The following PAK5 variants were observed in gnomAD, a reference collection of about 807,000 sequenced individuals.
PAK5 encodes serine/threonine-protein kinase PAK 5.
PAK5 carries 16 observed loss-of-function variants against 65.9 expected under a neutral mutation model. The observed-to-expected ratio is 0.24, with a 90% CI of 0.16 to 0.37. PAK5 has a LOEUF of 0.37. PAK5 is among the 10% of genes least tolerant of loss of function. The pLI, the probability that PAK5 is intolerant of heterozygous loss-of-function variation, is 1.00. For synonymous variants in PAK5, 371 were observed against 354.9 expected (o/e 1.05, Z -0.51); for missense variants, 785 against 903.9 (o/e 0.87, Z 1.69).
At chr20:9,626,922 A>G (rs1198820843) in intron 3 of PAK5, among the ~76,000 whole-genome samples, 1 of 151,984 alleles carries the variant, frequency 6.6e-6, no homozygotes, top group Non-Finnish European at 1.5e-5. Context: ...GTGTACGCAC[A>G]TGTGTCTGTG....
intron 1 of PAK5, among the ~76,000 whole-genome samples, chr20:9,801,510 G>A (rs1286499495): frequency 1.3e-5 from 2 of 150,132 alleles, no homozygotes; most frequent in African/African-American, 4.9e-5. Flanking sequence ...TTATATTATA[G>A]ATATACACAC....
intron 2 of PAK5, among the ~76,000 whole-genome samples, chr20:9,649,962 G>A (rs1340994597): frequency 6.6e-6 from 1 of 152,174 alleles, no homozygotes; most frequent in Middle Eastern, 3.2e-3. Context: ...AAACTGAAAT[G>A]GAATTCAAAA....
intron 7 of PAK5, among the ~76,000 whole-genome samples, chr20:9,550,387 C>T (rs2045408484): frequency 6.6e-6 from 1 of 152,094 alleles, no homozygotes; most frequent in Admixed American, 6.5e-5. Flanking sequence ...CCAATGAAAG[C>T]AAGGCAGGGA....
intron 1 of PAK5, among the ~76,000 whole-genome samples, chr20:9,805,733 G>C (rs1761608994): frequency 6.6e-6 from 1 of 152,158 alleles, no homozygotes; most frequent in Non-Finnish European, 1.5e-5. Context: ...GGGCCTGGGG[G>C]AGGAGAGAGT....
chr20:9,806,362 G>C (rs986955488), intron 1 of PAK5, among the ~76,000 whole-genome samples: 2 of 152,048 alleles, frequency 1.3e-5, no homozygotes, highest in African/African-American at 4.8e-5. Flanking sequence ...CCTCAGCTTT[G>C]CTCCAGTTCC....
At chr20:9,568,465 G>A (rs1186220566) in intron 4 of PAK5, among the ~76,000 whole-genome samples, 1 of 152,134 alleles carries the variant, frequency 6.6e-6, no homozygotes, top group African/African-American at 2.4e-5. Context: ...CAGGAACAGG[G>A]CTTGTGGGGT....
intron 3 of PAK5, among the ~76,000 whole-genome samples, chr20:9,629,757 T>C (rs1370813025): frequency 2.0e-5 from 3 of 152,208 alleles, no homozygotes; most frequent in African/African-American, 7.2e-5. Flanking sequence ...TCTCAATGTA[T>C]AAAGTTTGGG....
chr20:9,715,066 T>G (rs901022346), intron 1 of PAK5, among the ~76,000 whole-genome samples: 4 of 151,976 alleles, frequency 2.6e-5, no homozygotes, highest in African/African-American at 7.2e-5. Context: ...AAACTAAAGA[T>G]CTTCTGCACA....
At chr20:9,636,003 C>T (rs1297413516) in intron 3 of PAK5, among the ~76,000 whole-genome samples, 1 of 152,106 alleles carries the variant, frequency 6.6e-6, no homozygotes, top group Non-Finnish European at 1.5e-5. Context: ...AAAGGAGGCA[C>T]TAAAAGAAAT....
intron 3 of PAK5, among the ~76,000 whole-genome samples, chr20:9,604,047 G>A (rs1249655813): frequency 6.6e-6 from 1 of 152,186 alleles, no homozygotes; most frequent in Non-Finnish European, 1.5e-5. Context: ...ATTGATATCA[G>A]GGTAAACACA....
chr20:9,676,758 T>C (rs2047578085), intron 2 of PAK5, among the ~76,000 whole-genome samples: 1 of 152,188 alleles, frequency 6.6e-6, no homozygotes, highest in South Asian at 2.1e-4. Context: ...TATGAAATCA[T>C]CTTGATTGGT....
chr20:9,557,443 A>C (rs969069450), intron 7 of PAK5, among the ~76,000 whole-genome samples, 165 bp downstream of exon 7: 1 of 152,242 alleles, frequency 6.6e-6, no homozygotes, highest in South Asian at 2.1e-4. Flanking sequence ...GGTGACACAG[A>C]GGAAGGGATG....
chr20:9,741,499 C>T (rs549062782), intron 1 of PAK5, among the ~76,000 whole-genome samples: 98 of 152,174 alleles, frequency 6.4e-4, no homozygotes, highest in African/African-American at 2.4e-3. Context: ...ATTAAGCTTT[C>T]GGAGGAATGA....
intron 3 of PAK5, among the ~76,000 whole-genome samples, chr20:9,641,116 T>C (rs2123262628): frequency 6.6e-6 from 1 of 152,080 alleles, no homozygotes; most frequent in South Asian, 2.1e-4. Flanking sequence ...ATACAAAGGT[T>C]CTCCACCTCC....
At chr20:9,748,375 G>A (rs892316420) in intron 1 of PAK5, among the ~76,000 whole-genome samples, 3 of 152,010 alleles carry the variant, frequency 2.0e-5, no homozygotes, top group Admixed American at 6.5e-5. Flanking sequence ...AGCATGCATC[G>A]CCAAGTCAGT....
At chr20:9,780,876 C>T (rs1229087896) in intron 1 of PAK5, among the ~76,000 whole-genome samples, 2 of 152,022 alleles carry the variant, frequency 1.3e-5, no homozygotes, top group East Asian at 3.9e-4. Context: ...TTATTTTATC[C>T]TCTCATATAT....
intron 3 of PAK5, among the ~76,000 whole-genome samples, chr20:9,594,168 TCTC>T (rs1294442453): frequency 6.6e-6 from 1 of 152,156 alleles, no homozygotes; most frequent in Non-Finnish European, 1.5e-5. Context: ...TGCTAGAACT[TCTC>T]CTCCTGCCAC....
chr20:9,833,955 C>G (rs559070256), intron 1 of PAK5, among the ~76,000 whole-genome samples: 1 of 152,176 alleles, frequency 6.6e-6, no homozygotes, highest in South Asian at 2.1e-4. Flanking sequence ...TTCCATTCTA[C>G]TTTTTAGTTA....
chr20:9,674,429 G>A (rs559581363), intron 2 of PAK5, among the ~76,000 whole-genome samples: 16 of 152,260 alleles, frequency 1.1e-4, no homozygotes, highest in African/African-American at 3.6e-4. Flanking sequence ...GGAAGAATAC[G>A]ATACAAGCTT....
Sources: allele counts gnomAD v4.1 joint callset (sites outside exome capture counted in the v4.1 genomes callset), GRCh38; gene constraint gnomAD v4.1.1; transcripts MANE v1.5; gene names NCBI Gene and HGNC (gene_info 2026-07-23, HGNC 2026-07-21).